Variants in MUC15 observed in about 807,000 individuals in gnomAD.
The protein encoded by MUC15 is mucin 15, cell surface associated.
Under a neutral mutation model 24.0 loss-of-function variants are expected in MUC15, and 23 were observed. That is an observed-to-expected ratio of 0.96 (90% confidence interval 0.69 to 1.36). The LOEUF is 1.36. MUC15 is among the 40% of genes most tolerant of loss of function. The probability of loss-of-function intolerance (pLI) is 0.00; values close to 1 mark genes in which losing one functional copy is unlikely to be tolerated. For synonymous variants in MUC15, 151 were observed against 156.3 expected (o/e 0.97, Z 0.25); for missense variants, 442 against 428.2 (o/e 1.03, Z -0.29).
At position 26,565,483 on chromosome 11, in the gene MUC15, T is replaced by G; in HGVS notation, c.457A>C (p.Ile153Leu). The change falls in exon 3 of 5, where the codon ATA (isoleucine) becomes CTA (leucine). Residue 153 changes from isoleucine (I) to leucine (L), a missense_variant. Ile to Leu is a conservative substitution (Grantham distance 5). Coordinates refer to ENST00000529533, the MANE Select transcript of MUC15 (RefSeq NM_001135091.2). ...FVSKVPWNAP[I>L]ADEDLLPISA... ...ATGGGCAAAAGATCTTCATCTGCTA[T>G]AGGTGCATTCCAAGGCACTTTAGAA... The G allele has an allele frequency of 6.2e-7, 1 of 1,613,344 alleles. No homozygotes were observed. Among genetic ancestry groups the G allele is most frequent in the South Asian group, 1.1e-5 (1 of 91,068 alleles).
Position 26,567,033 on chromosome 11 carries a change from C to A in MUC15, c.43+19G>T. ...TTTTTGGTTACAAAGTTTACAGTAT[C>A]ATCTTATTTGATACTTACAACAATC... On this transcript the variant is annotated intron_variant, in intron 2 of 4. Transcript: ENST00000529533. 2 of 1,476,958 alleles carry A rather than the reference C, an allele frequency of 1.4e-6. No homozygotes were observed. Among genetic ancestry groups the A allele is most frequent in the African/African-American group, 1.4e-5 (1 of 70,884 alleles). The allele number at this position is 1,476,958 out of a possible 1,614,324, so 91.5% of individuals were successfully genotyped here. A position where few individuals can be genotyped will look rare whatever the true frequency, so the allele number is the denominator to read the frequency against.
chr11:26,564,312 C>T (rs1240280645), intron 3 of MUC15, among the ~76,000 whole-genome samples: 1 of 151,390 alleles, frequency 6.6e-6, no homozygotes, highest in African/African-American at 2.4e-5. Context: ...TAAAACTTTT[C>T]CTACACACTG....
intron 3 of MUC15, among the ~76,000 whole-genome samples, chr11:26,564,732 CATATATATATATATAT>C (rs66510170): frequency 1.1e-3 from 29 of 25,400 alleles, no homozygotes; most frequent in East Asian, 4.9e-3. Context: ...CACACACACA[CATATATATATATATAT>C]ATATATATAT....
At chr11:26,564,286 C>A (rs903292411) in intron 3 of MUC15, among the ~76,000 whole-genome samples, 72 of 151,380 alleles carry the variant, frequency 4.8e-4, no homozygotes, top group African/African-American at 1.5e-3. Context: ...TTATAAAAAG[C>A]CTATATTTCA....
chr11:26,568,556 T>C (rs913950577), intron 1 of MUC15, among the ~76,000 whole-genome samples: 2 of 151,972 alleles, frequency 1.3e-5, no homozygotes, highest in Non-Finnish European at 2.9e-5. Flanking sequence ...ACACTGATAA[T>C]ATAAGTCTTT....
chr11:26,571,578 A>G (rs970216965), intron 1 of MUC15, among the ~76,000 whole-genome samples: 2 of 152,094 alleles, frequency 1.3e-5, no homozygotes, highest in Non-Finnish European at 2.9e-5. Flanking sequence ...GATTTTTTCC[A>G]AAACTATTCT....
At chr11:26,565,131 A>G (rs1225916279) in intron 3 of MUC15, 34 bp downstream of exon 3, 24 of 1,486,670 alleles carry the variant, frequency 1.6e-5, no homozygotes, top group Non-Finnish European at 2.1e-5. Context: ...TTTCAGTTTC[A>G]CACAAAAGGA....
chr11:26,565,752 G>A lies in MUC15; in HGVS notation c.188C>T (p.Ala63Val), dbSNP rs1850551361. 9 of 1,606,040 alleles carry A rather than the reference G, an allele frequency of 5.6e-6. No homozygotes were observed. The highest frequency in any genetic ancestry group is 7.7e-6 in the Non-Finnish European group (9 of 1,174,224). ...ATTTTCCATTGTTTTAAAAACTTCTGCAATGTTCTGTGTTGTGTTTATGTC... is the reference window on the plus strand; with the variant it reads ...ATTTTCCATTGTTTTAAAAACTTCTACAATGTTCTGTGTTGTGTTTATGTC... ...NQDINTTQNI[A>V]EVFKTMENKP... Residue 63 changes from alanine to valine, a missense_variant, in exon 3 of 5, where the codon GCA becomes GTA. Transcript: ENST00000529533.
chr11:26,564,618 A>G (rs1850443893), intron 3 of MUC15, among the ~76,000 whole-genome samples: 1 of 146,434 alleles, frequency 6.8e-6, no homozygotes, highest in Non-Finnish European at 1.5e-5. Flanking sequence ...ATTGTTTGTG[A>G]TTGTGACAGA....
intron 1 of MUC15, among the ~76,000 whole-genome samples, chr11:26,571,346 T>G (rs1425405870): frequency 6.6e-6 from 1 of 152,134 alleles, no homozygotes; most frequent in Non-Finnish European, 1.5e-5. Flanking sequence ...GAGGCTTATA[T>G]AGCCACAAAA....
At chr11:26,563,389 CTCTCTCTGTG>C in intron 3 of MUC15, 124 bp from the exon 4 acceptor site, 1 of 862,822 alleles carries the variant, frequency 1.2e-6, no homozygotes, top group South Asian at 2.2e-5. Context: ...TGGTGTGTTT[CTCTCTCTGTG>C]TGTGTGTGTG....
At chr11:26,564,730 CACATAT>C (rs1850478094) in intron 3 of MUC15, among the ~76,000 whole-genome samples, 22 of 23,974 alleles carry the variant, frequency 9.2e-4, no homozygotes, top group African/African-American at 2.0e-3. Flanking sequence ...CACACACACA[CACATAT>C]ATATATATAT....
chr11:26,569,169 C>A (rs1168582502), intron 1 of MUC15, among the ~76,000 whole-genome samples: 1 of 152,008 alleles, frequency 6.6e-6, no homozygotes, highest in Non-Finnish European at 1.5e-5. Context: ...TGACATTGAA[C>A]CACCAAGGGG....
intron 3 of MUC15, among the ~76,000 whole-genome samples, chr11:26,564,409 G>A (rs1850432926): frequency 7.5e-6 from 1 of 133,880 alleles, no homozygotes; most frequent in African/African-American, 2.8e-5. Flanking sequence ...CTGGAAGTGA[G>A]TTCTTGGAGG....
chr11:26,570,730 A>G (rs185559852), intron 1 of MUC15, among the ~76,000 whole-genome samples: 26 of 152,282 alleles, frequency 1.7e-4, no homozygotes, highest in African/African-American at 5.3e-4. Context: ...TGTCTCTCAA[A>G]GAAAACTCTG....
chr11:26,568,464 C>T (rs994922138), intron 1 of MUC15, among the ~76,000 whole-genome samples: 10 of 82,812 alleles, frequency 1.2e-4, no homozygotes, highest in African/African-American at 3.3e-4. Context: ...GAACTTCTTC[C>T]TACCATAGTT....
intron 3 of MUC15, among the ~76,000 whole-genome samples, chr11:26,564,647 C>T (rs1197272606): frequency 7.4e-6 from 1 of 135,302 alleles, no homozygotes; most frequent in African/African-American, 2.7e-5. Context: ...AAATTCATTA[C>T]TTTGTTCAAC....
chr11:26,569,155 C>G (rs1850718872), intron 1 of MUC15, among the ~76,000 whole-genome samples: 1 of 152,000 alleles, frequency 6.6e-6, no homozygotes, highest in African/African-American at 2.4e-5. Context: ...TTTCACCTTG[C>G]CTGTGACATT....
Position 26,559,637 on chromosome 11 carries a change from A to G in MUC15, c.*1428T>C. ...ATATGATTCTATTTGAGAAAAAATC[A>G]TAGTACCTGAGTGCAAACAGTATTC... On this transcript the variant is annotated 3_prime_UTR_variant, in exon 5 of 5. Coordinates refer to ENST00000529533, the MANE Select transcript of MUC15 (RefSeq NM_001135091.2). 5 of 936,316 alleles carry G rather than the reference A, an allele frequency of 5.3e-6. No individual in the cohort carries two copies. The East Asian group carries it at 1.2e-4, about 23-fold the overall frequency. The allele number at this position is 936,316 out of a possible 1,614,324, so 58.0% of individuals were successfully genotyped here.
Sources: allele counts gnomAD v4.1 joint callset (sites outside exome capture counted in the v4.1 genomes callset), GRCh38; gene constraint gnomAD v4.1.1; transcripts MANE v1.5; gene names NCBI Gene and HGNC (gene_info 2026-07-23, HGNC 2026-07-21).